The following WWC2 variants were observed in gnomAD, a reference collection of about 807,000 sequenced individuals.
The protein encoded by WWC2 is WW and C2 domain containing 2, also known as protein WWC2.
Under a neutral mutation model 138.5 loss-of-function variants are expected in WWC2, and 101 were observed. The observed-to-expected ratio is 0.73, with a 90% CI of 0.62 to 0.86. WWC2 has a LOEUF of 0.86. Among genes scored for constraint, WWC2 ranks in the 40% least tolerant of loss-of-function variants. The pLI is 0.00. For missense variants in WWC2, 1,420 were observed against 1,419.4 expected, an observed-to-expected ratio of 1.00 and a Z score of -0.01; for synonymous variants, 558 against 538.4, an observed-to-expected ratio of 1.04 and a Z score of -0.50.
intron 2 of WWC2, among the ~76,000 whole-genome samples, chr4:183,201,709 G>A (rs767674492): frequency 2.6e-5 from 4 of 152,190 alleles, no homozygotes; most frequent in African/African-American, 4.8e-5. Flanking sequence ...GAAATACTTC[G>A]TTGGGCTGCA....
chr4:183,194,039 G>A (rs1735063908), intron 2 of WWC2, among the ~76,000 whole-genome samples: 1 of 152,172 alleles, frequency 6.6e-6, no homozygotes. Flanking sequence ...TGCACCTTCT[G>A]ACAGGCTCTT....
At chr4:183,104,929 A>G (rs1013276735) in intron 1 of WWC2, among the ~76,000 whole-genome samples, 1 of 152,166 alleles carries the variant, frequency 6.6e-6, no homozygotes, top group Non-Finnish European at 1.5e-5. Flanking sequence ...ATTTTTTGAG[A>G]CAGAGTTGGC....
rs1739454201 is a variant in WWC2, at chr4:183,316,778, C to CTCATTTTTAGGG, written c.*1050_*1061dup. ...ATTTAGTAGAAACTACTTCATAGCT[C>CTCATTTTTAGGG]TCATTTTTAGGGGGTTCTATCTATA... On this transcript the variant is annotated 3_prime_UTR_variant, in exon 23 of 23. Transcript: ENST00000403733. 1 of 152,120 alleles carries CTCATTTTTAGGG rather than the reference C, an allele frequency of 6.6e-6. No individual in the cohort carries two copies. The highest frequency in any genetic ancestry group is 1.5e-5 in the Non-Finnish European group (1 of 68,026). 9.4% of individuals were successfully genotyped at this position (152,120 alleles called of 1,614,324 possible). A position where few individuals can be genotyped will look rare whatever the true frequency, so the allele number is the denominator to read the frequency against.
At chr4:183,143,646 A>G (rs1424255350) in intron 1 of WWC2, among the ~76,000 whole-genome samples, 1 of 151,976 alleles carries the variant, frequency 6.6e-6, no homozygotes, top group Non-Finnish European at 1.5e-5. Flanking sequence ...ATGTCTACAA[A>G]AAATGCAAAA....
chr4:183,181,591 C>T (rs1193761898), intron 1 of WWC2, among the ~76,000 whole-genome samples: 1 of 151,828 alleles, frequency 6.6e-6, no homozygotes, highest in African/African-American at 2.4e-5. Flanking sequence ...TTCTTTTCTC[C>T]AGCTTAGTTT....
At position 183,253,804 on chromosome 4, in the gene WWC2, G is replaced by T; in HGVS notation, c.1001G>T (p.Trp334Leu). 6.2e-7 allele frequency: 1 copy of T among 1,613,574 alleles called. No homozygotes were observed. ...CTGTCAAAATTGGACAGTGAGGCCTGGCCTGGGGCACTGGATATTGAGAAG... is the reference window on the plus strand; with the variant it reads ...CTGTCAAAATTGGACAGTGAGGCCTTGCCTGGGGCACTGGATATTGAGAAG... ...IELSKLDSEA[W>L]PGALDIEKEK... Residue 334 changes from tryptophan to leucine, a missense_variant, in exon 9 of 23, where the codon TGG (tryptophan) becomes TTG (leucine). By Grantham distance (61) the Trp-to-Leu change is moderately conservative. Coordinates refer to ENST00000403733, the MANE Select transcript of WWC2 (RefSeq NM_024949.6).
intron 1 of WWC2, among the ~76,000 whole-genome samples, chr4:183,159,342 G>T (rs1029543359): frequency 1.3e-5 from 2 of 152,074 alleles, no homozygotes; most frequent in Non-Finnish European, 2.9e-5. Flanking sequence ...GGTGTTGGGA[G>T]GTTTGACTTT....
At chr4:183,163,028 T>G (rs1734006062) in intron 1 of WWC2, among the ~76,000 whole-genome samples, 1 of 152,132 alleles carries the variant, frequency 6.6e-6, no homozygotes, top group Non-Finnish European at 1.5e-5. Context: ...AGTAAAAAGC[T>G]TTGAGATAAA....
At chr4:183,135,126 G>A (rs1733068934) in intron 1 of WWC2, among the ~76,000 whole-genome samples, 1 of 151,952 alleles carries the variant, frequency 6.6e-6, no homozygotes. Context: ...GTTTCACCAT[G>A]TTGGCTAGAC....
chr4:183,295,827 T>C (rs1218017006), intron 21 of WWC2, among the ~76,000 whole-genome samples: 1 of 152,164 alleles, frequency 6.6e-6, no homozygotes, highest in Admixed American at 6.5e-5. Context: ...TTTTCGTCCC[T>C]ATCTACCGAC....
At chr4:183,311,442 A>G (rs147966292) in intron 21 of WWC2, among the ~76,000 whole-genome samples, 1 of 152,210 alleles carries the variant, frequency 6.6e-6, no homozygotes, top group Non-Finnish European at 1.5e-5. Flanking sequence ...CAAAAGAGGC[A>G]CATTAGAAGT....
chr4:183,268,904 A>C lies in WWC2; in HGVS notation c.2208-67A>C, dbSNP rs570884219. ...TTTTCTCTCTTTGCAGATAATTTCAAATGATAGCTGTGAATCTGGTATAAT... is the reference window on the plus strand; with the variant it reads ...TTTTCTCTCTTTGCAGATAATTTCACATGATAGCTGTGAATCTGGTATAAT... On this transcript the variant is annotated intron_variant, in intron 14 of 22. Coordinates refer to ENST00000403733, the MANE Select transcript of WWC2 (RefSeq NM_024949.6). 297 of 1,440,420 alleles carry C rather than the reference A, an allele frequency of 2.1e-4. 4 individuals are homozygous for C. In the South Asian group the frequency reaches 3.6e-3, roughly 18 times the overall value. The allele number at this position is 1,440,420 out of a possible 1,614,324, so 89.2% of individuals were successfully genotyped here.
chr4:183,270,180 T>C (rs1347512306), intron 15 of WWC2: 1 of 152,250 alleles, frequency 6.6e-6, no homozygotes, highest in African/African-American at 2.4e-5. Flanking sequence ...TTTAGTATCA[T>C]AGATGTCATA....
At chr4:183,277,998 A>C (rs917296174) in intron 16 of WWC2, among the ~76,000 whole-genome samples, 1 of 151,654 alleles carries the variant, frequency 6.6e-6, no homozygotes, top group Non-Finnish European at 1.5e-5. Flanking sequence ...CCCATTTGTC[A>C]ATTTTGGCTT....
At chr4:183,278,769 G>A (rs1560882958) in intron 16 of WWC2, among the ~76,000 whole-genome samples, 1 of 151,612 alleles carries the variant, frequency 6.6e-6, no homozygotes, top group East Asian at 1.9e-4. Context: ...TCCTGATTTG[G>A]CTCTCTGTTT....
chr4:183,147,351 T>TA (rs1473405453), intron 1 of WWC2, among the ~76,000 whole-genome samples: 1 of 152,244 alleles, frequency 6.6e-6, no homozygotes, highest in Non-Finnish European at 1.5e-5. Context: ...TAGTCTGTGT[T>TA]ATGACTGGTT....
chr4:183,230,714 TAGAA>T (rs1736218445), intron 4 of WWC2, among the ~76,000 whole-genome samples: 1 of 151,432 alleles, frequency 6.6e-6, no homozygotes, highest in African/African-American at 2.4e-5. Context: ...ATGGCTATAA[TAGAA>T]AGGATCAACA....
At chr4:183,312,252 G>A in intron 21 of WWC2, 89 bp from the exon 22 acceptor site, 1 of 1,556,854 alleles carries the variant, frequency 6.4e-7, no homozygotes. Flanking sequence ...CCTGACTTTA[G>A]TCCACAATCT....
chr4:183,300,897 C>G (rs919622102), intron 21 of WWC2, among the ~76,000 whole-genome samples: 1 of 152,170 alleles, frequency 6.6e-6, no homozygotes, highest in Non-Finnish European at 1.5e-5. Flanking sequence ...CCTCTGCGTT[C>G]TATTCCTGTG....
Sources: allele counts gnomAD v4.1 joint callset (sites outside exome capture counted in the v4.1 genomes callset), GRCh38; gene constraint gnomAD v4.1.1; transcripts MANE v1.5; gene names NCBI Gene and HGNC (gene_info 2026-07-23, HGNC 2026-07-21).